USP9X: variants seen among roughly 807,000 people sequenced by gnomAD.
The protein encoded by USP9X is ubiquitin specific peptidase 9 X-linked, also known as ubiquitin carboxyl-terminal hydrolase 9X.
A neutral mutation model predicts 190.3 loss-of-function variants in USP9X; 7 were observed. The ratio of observed to expected loss-of-function variants is 0.04; its 90% CI spans 0.02 to 0.07. The LOEUF is 0.07. Among genes scored for constraint, USP9X ranks in the 10% least tolerant of loss-of-function variants. The probability of loss-of-function intolerance (pLI) is 1.00; values close to 1 mark genes in which losing one functional copy is unlikely to be tolerated. For synonymous variants in USP9X, 645 were observed against 659.5 expected, an observed-to-expected ratio of 0.98 and a Z score of 0.34; for missense variants, 1,010 against 1,916.9, an observed-to-expected ratio of 0.53 and a Z score of 8.83.
intron 30 of USP9X, 76 bp from the exon 31 acceptor site, chrX:41,200,984 T>A: frequency 1.9e-6 from 2 of 1,027,495 alleles, no homozygotes; most frequent in Non-Finnish European, 2.7e-6. Context: ...ATTGCCAGGG[T>A]TGCTTTGTCA....
At chrX:41,133,338 T>C (rs1016046303) in intron 4 of USP9X, among the ~76,000 whole-genome samples, 10 of 111,836 alleles carry the variant, frequency 8.9e-5, no homozygotes, top group Non-Finnish European at 1.7e-4. Context: ...AAAGAAAATA[T>C]CTTTTTTTAT....
intron 1 of USP9X, among the ~76,000 whole-genome samples, chrX:41,104,769 G>T (rs1209472619): frequency 1.8e-5 from 2 of 111,019 alleles, no homozygotes; most frequent in Non-Finnish European, 3.8e-5. Flanking sequence ...ACAGTCTCTG[G>T]AGGTATTAGC....
At chrX:41,198,416 T>G in intron 29 of USP9X, 112 bp from the exon 30 acceptor site, 19 of 400,979 alleles carry the variant, frequency 4.7e-5, no homozygotes, top group East Asian at 8.3e-5. Context: ...TGAGATGTAA[T>G]GAGATCTTAA....
At chrX:41,177,465 C>G (rs2062785406) in intron 21 of USP9X, among the ~76,000 whole-genome samples, 1 of 111,975 alleles carries the variant, frequency 8.9e-6, no homozygotes, top group African/African-American at 3.2e-5. Flanking sequence ...CAGAGTACTA[C>G]TTGTATGTTG....
At chrX:41,214,433 C>A in intron 33 of USP9X, 135 bp from the exon 34 acceptor site, 1 of 581,029 alleles carries the variant, frequency 1.7e-6, no homozygotes, top group Non-Finnish European at 2.5e-6. Context: ...ATGTAACAAA[C>A]CTGCACGTTG....
intron 2 of USP9X, among the ~76,000 whole-genome samples, chrX:41,127,161 T>C (rs1250007216): frequency 8.9e-6 from 1 of 111,933 alleles, no homozygotes; most frequent in Non-Finnish European, 1.9e-5. Flanking sequence ...AAGGTTTATA[T>C]ATGAGAACAT....
rs200527638 is a variant in USP9X at position 41,171,954 on chromosome X, G to T, written c.3144G>T (p.Pro1048=). Residue 1048 remains proline, a synonymous_variant, in exon 21 of 45, where the codon CCG becomes CCT. Coordinates refer to ENST00000378308, the MANE Select transcript of USP9X (RefSeq NM_001039591.3). ...CAAGAGTACTTATGAAACTTATGCC[G>T]CCAGGTAAGAATTTTTAAATGATGA... ...DGARVLMKLM[P]PDSTTIEKLR... The T allele has an allele frequency of 3.4e-4, 415 of 1,206,864 alleles. 4 individuals carry two copies. Among genetic ancestry groups the T allele is most frequent in the Non-Finnish European group, 7.4e-5 (66 of 894,156 alleles).
rs1431730580 is a variant in USP9X at position 41,139,285 on chromosome X, A to G, written c.655-1371A>G. ...ATTAGCCTTTCATGACTAAAAAGGTAGGAAAACACTATTAAATTGAAATAC... is the reference window on the plus strand; with the variant it reads ...ATTAGCCTTTCATGACTAAAAAGGTGGGAAAACACTATTAAATTGAAATAC... On this transcript the variant is annotated intron_variant, in intron 6 of 44. Coordinates refer to ENST00000378308, the MANE Select transcript of USP9X (RefSeq NM_001039591.3). Among the ~76,000 whole-genome samples, 9 of 109,612 alleles carry G rather than the reference A, an allele frequency of 8.2e-5. No homozygotes were observed. The East Asian group carries it at 2.6e-3, about 31-fold the overall frequency.
rs2062239266 is a variant in USP9X, at chrX:41,125,702, T to TCTCC, written c.96+1981_96+1982insCCTC. ...CACACACACTCTCTCTCTCTCTCTC[T>TCTCC]CTCTCTCTCTCTCTCTCGCGCACGC... On this transcript the variant is annotated intron_variant, in intron 2 of 44. Coordinates refer to ENST00000378308, the MANE Select transcript of USP9X (RefSeq NM_001039591.3). Among the ~76,000 whole-genome samples the TCTCC allele has an allele frequency of 6.1e-5, 6 of 97,824 alleles. No homozygotes were observed. In the South Asian group the frequency reaches 2.8e-3, roughly 46 times the overall value. The allele number at this position is 97,824 out of a possible 115,157, so 84.9% of individuals were successfully genotyped here. A position where few individuals can be genotyped will look rare whatever the true frequency, so the allele number is the denominator to read the frequency against.
At chrX:41,140,830 A>G in intron 7 of USP9X, 59 bp downstream of exon 7, 2 of 1,106,010 alleles carry the variant, frequency 1.8e-6, no homozygotes, top group South Asian at 4.5e-5. Context: ...TTTTTGCTTC[A>G]TAAAAATTGA....
intron 32 of USP9X, among the ~76,000 whole-genome samples, chrX:41,207,079 CTTTTTTT>C (rs34779889): frequency 1.3e-4 from 4 of 30,483 alleles, no homozygotes; most frequent in African/African-American, 4.8e-4. Flanking sequence ...GCTCCCTGGC[CTTTTTTT>C]TTTTTTTTTT....
chrX:41,217,044 CAGTG>C (rs1372247568), intron 35 of USP9X, among the ~76,000 whole-genome samples, 172 bp from the exon 36 acceptor site: 1 of 110,844 alleles, frequency 9.0e-6, no homozygotes, highest in Non-Finnish European at 1.9e-5. Flanking sequence ...GCCTGGGTGA[CAGTG>C]AGTCTCCATC....
At chrX:41,154,634 C>T (rs186037565) in intron 14 of USP9X, among the ~76,000 whole-genome samples, 1 of 111,543 alleles carries the variant, frequency 9.0e-6, no homozygotes, top group Admixed American at 9.5e-5. Flanking sequence ...TTCAGTTTTT[C>T]CTCCTTATGT....
chrX:41,176,240 C>T (rs1439765641), intron 21 of USP9X, among the ~76,000 whole-genome samples: 1 of 111,615 alleles, frequency 9.0e-6, no homozygotes, highest in Non-Finnish European at 1.9e-5. Context: ...TTATGCTGAG[C>T]TCTACCCACT....
Position 41,133,625 on chromosome X carries a change from ATTC to A in USP9X, c.323-1097_323-1095del, listed in dbSNP as rs762791324. 2.5e-4 allele frequency among the ~76,000 whole-genome samples: 28 copies of A among 112,038 alleles called. No homozygotes were observed. In the South Asian group the frequency reaches 0.01, roughly 41 times the overall value. On this transcript the variant is annotated intron_variant, in intron 4 of 44. Coordinates refer to ENST00000378308, the MANE Select transcript of USP9X (RefSeq NM_001039591.3). ...TTTTGTACCCATTAACCATCCCGCT[ATTC>A]TTTACGTCCGTGAGTTCAATTGTTT... is the stretch of plus-strand genomic sequence containing the variant.
At chrX:41,125,741 C>G (rs2062243422) in intron 2 of USP9X, among the ~76,000 whole-genome samples, 1 of 108,738 alleles carries the variant, frequency 9.2e-6, no homozygotes, top group Admixed American at 9.7e-5. Flanking sequence ...CGCGCTCTCT[C>G]TCTCTCTGTT....
At chrX:41,107,797 G>A (rs112157350) in intron 1 of USP9X, among the ~76,000 whole-genome samples, 14,897 of 110,840 alleles carry the variant, frequency 0.13, 902 homozygotes, top group East Asian at 0.22. Context: ...TGAATTTTTC[G>A]TTTCAGTTAT....
intron 12 of USP9X, among the ~76,000 whole-genome samples, chrX:41,150,208 T>C (rs920679800): frequency 1.8e-5 from 2 of 110,058 alleles, no homozygotes; most frequent in Non-Finnish European, 3.8e-5. Context: ...TACGCAAAAG[T>C]AAAACAATCC....
rs1159326321 is a variant in USP9X, at chrX:41,235,717, A to C, written c.*3193A>C. 9.1e-6 allele frequency: 1 copy of C among 110,343 alleles called. No homozygotes were observed. Among genetic ancestry groups the C allele is most frequent in the Admixed American group, 9.7e-5 (1 of 10,310 alleles). 9.1% of individuals were successfully genotyped at this position (110,343 alleles called of 1,213,427 possible). A position where few individuals can be genotyped will look rare whatever the true frequency, so the allele number is the denominator to read the frequency against. On this transcript the variant is annotated 3_prime_UTR_variant, in exon 45 of 45. Transcript: ENST00000378308. The stretch of plus-strand genomic sequence containing the variant: ...ACATACTAGGTTTTTTTTTTCTTTC[A>C]TTGATTTTTCTCCTGGTGATAATTT...
Sources: gnomAD v4.1 joint callset for allele counts (sites outside exome capture counted in the v4.1 genomes callset) on GRCh38, gnomAD v4.1.1 for gene constraint, MANE v1.5 for transcripts, NCBI Gene and HGNC (gene_info 2026-07-23, HGNC 2026-07-21) for gene names.